Variants in GPC6 observed in about 807,000 individuals in gnomAD.
GPC6 encodes the protein glypican 6, also known as glypican-6.
In GPC6, 14 loss-of-function variants were observed where a neutral mutation model predicts 55.2. The observed-to-expected ratio is 0.25, with a 90% confidence interval of 0.17 to 0.40. The LOEUF is 0.40. Among genes scored for constraint, GPC6 ranks in the 10% least tolerant of loss-of-function variants. The pLI is 1.00. For synonymous variants in GPC6, 278 were observed against 259.6 expected, an observed-to-expected ratio of 1.07 and a Z score of -0.68; for missense variants, 641 against 708.5, an observed-to-expected ratio of 0.90 and a Z score of 1.08.
At chr13:93,579,348 T>C in intron 2 of GPC6, among the ~76,000 whole-genome samples, 1 of 151,944 alleles carries the variant, frequency 6.6e-6, no homozygotes, top group East Asian at 1.9e-4. Context: ...ACATGTACCC[T>C]GAAAATATTG....
chr13:93,241,634 A>G (rs1489552289), intron 1 of GPC6, among the ~76,000 whole-genome samples: 1 of 152,074 alleles, frequency 6.6e-6, no homozygotes, highest in Non-Finnish European at 1.5e-5. Flanking sequence ...TTTATGATCA[A>G]TATTTTGAAT....
intron 3 of GPC6, among the ~76,000 whole-genome samples, chr13:93,882,781 T>G (rs1875075431): frequency 6.6e-6 from 1 of 152,074 alleles, no homozygotes; most frequent in Non-Finnish European, 1.5e-5. Flanking sequence ...AAACTCAGTG[T>G]TTGGCTAAAC....
intron 4 of GPC6, among the ~76,000 whole-genome samples, chr13:94,174,265 G>C (rs775972043): frequency 6.6e-6 from 1 of 152,112 alleles, no homozygotes; most frequent in Non-Finnish European, 1.5e-5. Flanking sequence ...TTATAACCTA[G>C]TTAGGTTTAA....
chr13:94,136,438 C>CGGT (rs1350585949), intron 4 of GPC6, among the ~76,000 whole-genome samples: 1 of 152,108 alleles, frequency 6.6e-6, no homozygotes, highest in Non-Finnish European at 1.5e-5. Flanking sequence ...TTGCTGGGCG[C>CGGT]GGTGGCTCAC....
chr13:94,088,155 A>G (rs751840652), intron 4 of GPC6, among the ~76,000 whole-genome samples: 3 of 152,092 alleles, frequency 2.0e-5, no homozygotes, highest in Admixed American at 6.5e-5. Flanking sequence ...CTAAGTCTGT[A>G]TTTCCCCTAG....
Position 94,217,433 on chromosome 13 carries a change from C to A in GPC6, c.878-68916C>A, listed in dbSNP as rs150780223. Among the ~76,000 whole-genome samples the A allele has an allele frequency of 1.0e-3, 152 of 152,228 alleles. 1 individual carries two copies. The highest frequency in any genetic ancestry group is 3.4e-3 in the Middle Eastern group (1 of 294). On this transcript the variant is annotated intron_variant, in intron 4 of 8. Coordinates refer to ENST00000377047, the MANE Select transcript of GPC6 (RefSeq NM_005708.5). ...GAGATTGAAACAGGAAGTAAACAGA[C>A]AATAATAAATGGGAATCTATATGCT...
At chr13:93,623,920 G>A (rs144710824) in intron 2 of GPC6, among the ~76,000 whole-genome samples, 2,060 of 151,934 alleles carry the variant, frequency 0.014, 20 homozygotes, top group Middle Eastern at 0.041. Flanking sequence ...TCTTTTGCCC[G>A]TTTTTTAACT....
intron 2 of GPC6, among the ~76,000 whole-genome samples, chr13:93,643,312 A>AG (rs1451725459): frequency 2.6e-5 from 4 of 152,064 alleles, no homozygotes; most frequent in African/African-American, 9.7e-5. Flanking sequence ...TAGGCAGAGT[A>AG]GGGGGGTTCA....
chr13:93,642,841 A>G (rs1485347614), intron 2 of GPC6, among the ~76,000 whole-genome samples: 1 of 152,118 alleles, frequency 6.6e-6, no homozygotes, highest in Non-Finnish European at 1.5e-5. Context: ...TAACAGTTTC[A>G]TCACTTGCAG....
At chr13:93,901,485 T>A (rs1219457045) in intron 3 of GPC6, among the ~76,000 whole-genome samples, 1 of 152,178 alleles carries the variant, frequency 6.6e-6, no homozygotes. Context: ...TAAAAAATAT[T>A]TTTCAGTATT....
intron 2 of GPC6, among the ~76,000 whole-genome samples, chr13:93,779,017 C>T (rs1341078952): frequency 1.3e-5 from 2 of 152,200 alleles, no homozygotes; most frequent in Non-Finnish European, 2.9e-5. Context: ...TGCTTAAATA[C>T]TTGCCAATCT....
At chr13:93,232,048 G>A (rs1218075190) in intron 1 of GPC6, among the ~76,000 whole-genome samples, 1 of 150,672 alleles carries the variant, frequency 6.6e-6, no homozygotes, top group African/African-American at 2.4e-5. Context: ...CTGTCTTTCT[G>A]TCTGCTCCCC....
chr13:93,465,464 TTA>T (rs1878870249), intron 1 of GPC6, among the ~76,000 whole-genome samples: 1 of 152,222 alleles, frequency 6.6e-6, no homozygotes, highest in African/African-American at 2.4e-5. Flanking sequence ...CCTTGCACTT[TTA>T]TTTTATGGAG....
chr13:93,846,664 A>T lies in GPC6; in HGVS notation c.711+16119A>T, dbSNP rs138039518. 3.3e-4 allele frequency among the ~76,000 whole-genome samples: 51 copies of T among 152,268 alleles called. No individual in the cohort carries two copies. The East Asian group carries it at 9.1e-3, about 27-fold the overall frequency. ...CTGTCTCTACTTAAAGTACAAAAAA[A>T]TTAGCCAGGCATGATGGTGAGCACC... is the stretch of plus-strand genomic sequence containing the variant. On this transcript the variant is annotated intron_variant, in intron 3 of 8. Coordinates refer to ENST00000377047, the MANE Select transcript of GPC6 (RefSeq NM_005708.5).
intron 6 of GPC6, among the ~76,000 whole-genome samples, chr13:94,339,535 G>A (rs1459443602): frequency 1.3e-5 from 2 of 152,050 alleles, no homozygotes; most frequent in African/African-American, 2.4e-5. Context: ...TGAATATTTT[G>A]CAACTTAGGG....
intron 4 of GPC6, among the ~76,000 whole-genome samples, chr13:94,256,763 C>T (rs1365266067): frequency 6.6e-6 from 1 of 152,162 alleles, no homozygotes; most frequent in African/African-American, 2.4e-5. Flanking sequence ...TTCCCATCTC[C>T]TCCCCAAATC....
At chr13:93,917,246 G>A (rs1040122787) in intron 3 of GPC6, among the ~76,000 whole-genome samples, 3 of 152,054 alleles carry the variant, frequency 2.0e-5, no homozygotes, top group Non-Finnish European at 2.9e-5. Context: ...TTTTAAGTGA[G>A]GCCAATTTTT....
At chr13:94,114,990 C>G (rs141458465) in intron 4 of GPC6, among the ~76,000 whole-genome samples, 381 of 152,210 alleles carry the variant, frequency 2.5e-3, no homozygotes, top group Non-Finnish European at 3.9e-3. Context: ...GATTCTCAAC[C>G]ATTAAACTCT....
At chr13:93,436,600 C>T (rs1374228156) in intron 1 of GPC6, among the ~76,000 whole-genome samples, 1 of 151,950 alleles carries the variant, frequency 6.6e-6, no homozygotes, top group African/African-American at 2.4e-5. Flanking sequence ...CATTTAAAAA[C>T]AAAAACACAG....
Sources: gnomAD v4.1 joint callset for allele counts (sites outside exome capture counted in the v4.1 genomes callset) on GRCh38, gnomAD v4.1.1 for gene constraint, MANE v1.5 for transcripts, NCBI Gene and HGNC (gene_info 2026-07-23, HGNC 2026-07-21) for gene names.